SOCS7: variants seen among roughly 807,000 people sequenced by gnomAD.
SOCS7 encodes the protein NAP-4.
Under a neutral mutation model 58.9 loss-of-function variants are expected in SOCS7, and 18 were observed. That is an observed-to-expected ratio of 0.31 (90% CI 0.21 to 0.45). The LOEUF is 0.45. SOCS7 is among the 20% of genes least tolerant of loss of function. The pLI is 1.00. For synonymous variants in SOCS7, 388 were observed against 364.3 expected (o/e 1.06, Z -0.74); for missense variants, 667 against 837.3 (o/e 0.80, Z 2.51).
In SOCS7 at chr17:38,366,663, T is replaced by G. The variant is rs587761921; in HGVS notation, c.1383+246T>G. On this transcript the variant is annotated intron_variant, in intron 5 of 9. Coordinates refer to ENST00000612932, the MANE Select transcript of SOCS7 (RefSeq NM_014598.4). ...CATGCACGACCAAGCCCAGCTAAAA[T>G]TTATTTATATTTTTTGTAGAGACTG... Among the ~76,000 whole-genome samples the G allele has an allele frequency of 1.8e-3, 270 of 152,238 alleles. 1 individual carries two copies. The highest frequency in any genetic ancestry group is 6.1e-3 in the African/African-American group (253 of 41,546).
chr17:38,390,126 T>C (rs1272111874), intron 7 of SOCS7, among the ~76,000 whole-genome samples: 4 of 151,418 alleles, frequency 2.6e-5, no homozygotes, highest in Non-Finnish European at 4.4e-5. Flanking sequence ...AGTCCAACTT[T>C]ATTCTTTTTC....
At position 38,352,178 on chromosome 17, in the gene SOCS7, C is replaced by T. The variant is rs1363111278; in HGVS notation, c.126C>T (p.Gly42=). 5.4e-6 allele frequency: 7 copies of T among 1,286,758 alleles called. No individual in the cohort carries two copies. The highest frequency in any genetic ancestry group is 4.7e-5 in the African/African-American group (3 of 64,122). The allele number at this position is 1,286,758 out of a possible 1,614,324, so 79.7% of individuals were successfully genotyped here. Residue 42 remains glycine (G), a synonymous_variant, in exon 1 of 10, where the codon GGC becomes GGT. Transcript: ENST00000612932. This position sits in a 1 kb window ranked among gnomAD's most constrained non-coding sequence, Gnocchi z 5.5. The stretch of plus-strand genomic sequence containing the variant: ...CAGGCCCTCCGCCACCGCCCCCGGG[C>T]CATGGCCCCCCGCCGCCACCCTTCC... The part of the protein sequence containing the change: ...PEPGPPPPPP[G]HGPPPPPFLA...
At chr17:38,378,670 C>T (rs754418095) in intron 7 of SOCS7, among the ~76,000 whole-genome samples, 5 of 152,188 alleles carry the variant, frequency 3.3e-5, no homozygotes, top group East Asian at 1.9e-4. Context: ...GAATACAAGA[C>T]CTCTCTCCAT....
At chr17:38,386,254 G>T (rs1003958953) in intron 7 of SOCS7, among the ~76,000 whole-genome samples, 2 of 149,542 alleles carry the variant, frequency 1.3e-5, no homozygotes, top group Non-Finnish European at 3.0e-5. Context: ...AACCCAGGAG[G>T]CGGAGGTTGC....
intron 7 of SOCS7, among the ~76,000 whole-genome samples, chr17:38,387,059 G>A (rs1199014655): frequency 1.5e-5 from 2 of 132,506 alleles, no homozygotes; most frequent in Non-Finnish European, 3.1e-5. Context: ...TTCAGCCTGG[G>A]CGACAGAGCG....
Position 38,352,016 on chromosome 17 carries a change from C to T in SOCS7, c.-37C>T, listed in dbSNP as rs1006736762. On this transcript the variant is annotated 5_prime_UTR_variant, in exon 1 of 10. Coordinates refer to ENST00000612932, the MANE Select transcript of SOCS7 (RefSeq NM_014598.4). The surrounding 1 kb of genome is among the most constrained non-coding windows in gnomAD (Gnocchi z 5.5). ...GGCCCGGCCTAGTCCCCACCCCAGCCCGGCTCCCAGCCGCCCGCCCTCCCT... is the reference window on the plus strand; with the variant it reads ...GGCCCGGCCTAGTCCCCACCCCAGCTCGGCTCCCAGCCGCCCGCCCTCCCT... Among the ~76,000 whole-genome samples the T allele has an allele frequency of 2.6e-5, 4 of 151,048 alleles. No individual in the cohort carries two copies. The highest frequency in any genetic ancestry group is 5.9e-5 in the Non-Finnish European group (4 of 67,606).
In SOCS7 at chr17:38,403,994, A is replaced by G. The variant is rs1407579372; in HGVS notation, c.*4512A>G. On this transcript the variant is annotated 3_prime_UTR_variant, in exon 10 of 10. Coordinates refer to ENST00000612932, the MANE Select transcript of SOCS7 (RefSeq NM_014598.4). ...AAAAAAAGAAAAAGAAAAAAAAAAG[A>G]AAGAAAAGTGTGCCCCCCTCCTATG... is the stretch of plus-strand genomic sequence containing the variant. 6.6e-6 allele frequency: 1 copy of G among 151,582 alleles called. No homozygotes were observed. The highest frequency in any genetic ancestry group is 1.5e-5 in the Non-Finnish European group (1 of 67,980). The allele number at this position is 151,582 out of a possible 1,614,324, so 9.4% of individuals were successfully genotyped here.
chr17:38,376,191 A>G (rs113711945), intron 6 of SOCS7, among the ~76,000 whole-genome samples: 94 of 152,332 alleles, frequency 6.2e-4, no homozygotes, highest in African/African-American at 2.2e-3. Context: ...AGGATCACAA[A>G]TGGCCGGAGC....
At chr17:38,396,189 A>C (rs2038243110) in intron 9 of SOCS7, among the ~76,000 whole-genome samples, 191 bp downstream of exon 9, 1 of 152,260 alleles carries the variant, frequency 6.6e-6, no homozygotes. Flanking sequence ...AAAAGCAGAC[A>C]GACGAGAAAG....
chr17:38,352,779 G>A lies in SOCS7; in HGVS notation c.727G>A (p.Glu243Lys), dbSNP rs1464523153. The part of the protein sequence containing the change: ...LVPLGRLSRG[E>K]QQQQQQQQPP... ...CCCTCTGGGGCGCCTGAGTAGAGGGGAGCAGCAGCAGCAGCAGCAGCAGCA... is the reference window on the plus strand; with the variant it reads ...CCCTCTGGGGCGCCTGAGTAGAGGGAAGCAGCAGCAGCAGCAGCAGCAGCA... Residue 243 changes from glutamate to lysine, a missense_variant, in exon 1 of 10, where the codon GAG (glutamate) becomes AAG (lysine). Glu to Lys is a moderately conservative substitution (Grantham distance 56, BLOSUM62 1). Around this residue, in one of 9 missense-constraint regions of SOCS7, gnomAD observed 208 missense variants for 190.3 expected, o/e 1.09. Transcript: ENST00000612932. This position sits in a 1 kb window ranked among gnomAD's most constrained non-coding sequence, Gnocchi z 5.5. The A allele has an allele frequency of 6.5e-7, 1 of 1,549,988 alleles. No homozygotes were observed. Among genetic ancestry groups the A allele is most frequent in the Non-Finnish European group, 8.7e-7 (1 of 1,147,072 alleles).
At chr17:38,389,894 T>TGTAC (rs1235931148) in intron 7 of SOCS7, among the ~76,000 whole-genome samples, 7 of 93,130 alleles carry the variant, frequency 7.5e-5, no homozygotes, top group African/African-American at 1.9e-4. Flanking sequence ...TACATATATA[T>TGTAC]ATATACACAT....
In SOCS7 at chr17:38,366,731, C is replaced by T. The variant is rs41534653; in HGVS notation, c.1383+314C>T. Among the ~76,000 whole-genome samples, 510 of 152,090 alleles carry T rather than the reference C, an allele frequency of 3.4e-3. 2 individuals carry two copies. Among genetic ancestry groups the T allele is most frequent in the Non-Finnish European group, 4.5e-3 (308 of 67,960 alleles). ...GCTGGTCTTGAACTCCTGGGCTCAA[C>T]GTGATCCTCTTGCCTCTGCCTCCCA... On this transcript the variant is annotated intron_variant, in intron 5 of 9. Transcript: ENST00000612932.
chr17:38,378,304 G>A (rs925863364), intron 7 of SOCS7, among the ~76,000 whole-genome samples: 3 of 152,120 alleles, frequency 2.0e-5, no homozygotes, highest in Non-Finnish European at 2.9e-5. Context: ...TTGAGAGGCC[G>A]AGGTGGGAGG....
chr17:38,391,074 A>C, intron 7 of SOCS7, among the ~76,000 whole-genome samples: 1 of 151,478 alleles, frequency 6.6e-6, no homozygotes. Flanking sequence ...TCCTATTGTA[A>C]ATTGTTTTCT....
At chr17:38,387,552 A>G (rs2038091825) in intron 7 of SOCS7, among the ~76,000 whole-genome samples, 1 of 140,918 alleles carries the variant, frequency 7.1e-6, no homozygotes, top group Admixed American at 7.3e-5. Flanking sequence ...TAGTATATAT[A>G]TACACAATAC....
rs751276507 is a variant in SOCS7 at position 38,352,382 on chromosome 17, C to T, written c.330C>T (p.Leu110=). 7.0e-6 allele frequency: 10 copies of T among 1,437,864 alleles called. No homozygotes were observed. Among genetic ancestry groups the T allele is most frequent in the South Asian group, 1.5e-5 (1 of 68,664 alleles). 89.1% of individuals were successfully genotyped at this position (1,437,864 alleles called of 1,614,324 possible). A position where few individuals can be genotyped will look rare whatever the true frequency, so the allele number is the denominator to read the frequency against. ...DPKALPPGLA[L]ERTWGPAAGL... ...AGGCCCTGCCGCCGGGCTTGGCGCT[C>T]GAGCGGACCTGGGGCCCGGCGGCTG... Residue 110 remains leucine, a synonymous_variant, in exon 1 of 10, where the codon CTC becomes CTT. Transcript: ENST00000612932. This position sits in a 1 kb window ranked among gnomAD's most constrained non-coding sequence, Gnocchi z 5.5.
intron 7 of SOCS7, among the ~76,000 whole-genome samples, chr17:38,390,640 T>TTTCCTTCCTTCCTTCCTTCCTTCC (rs60020052): frequency 7.9e-5 from 9 of 114,408 alleles, no homozygotes; most frequent in Non-Finnish European, 1.2e-4. Context: ...TTTTGTTCGT[T>TTTCCTTCCTTCCTTCCTTCCTTCC]TTCCTTCCTT....
At chr17:38,397,409 G>C (rs964696192) in intron 9 of SOCS7, among the ~76,000 whole-genome samples, 5 of 152,194 alleles carry the variant, frequency 3.3e-5, no homozygotes, top group Non-Finnish European at 7.3e-5. Flanking sequence ...GTGGCTCCCT[G>C]CCGGCCTGTT....
At chr17:38,366,869 C>G (rs1007802313) in intron 5 of SOCS7, among the ~76,000 whole-genome samples, 1 of 152,138 alleles carries the variant, frequency 6.6e-6, no homozygotes, top group Non-Finnish European at 1.5e-5. Flanking sequence ...TGTGCTCCTG[C>G]TATTAGTTCC....
Sources: allele counts gnomAD v4.1 joint callset (sites outside exome capture counted in the v4.1 genomes callset), GRCh38; gene constraint gnomAD v4.1.1; regional missense constraint gnomAD v4.1.1; non-coding constraint Gnocchi (gnomAD v3.1); transcripts MANE v1.5; gene names NCBI Gene and HGNC (gene_info 2026-07-23, HGNC 2026-07-21).